FHIT: variants seen among roughly 807,000 people sequenced by gnomAD.
FHIT encodes the protein fragile histidine triad diadenosine triphosphatase.
Under a neutral mutation model 17.9 loss-of-function variants are expected in FHIT, and 19 were observed. The observed-to-expected ratio is 1.06, with a 90% CI of 0.74 to 1.56. The LOEUF (loss-of-function observed/expected upper bound fraction) is 1.56, where lower values mean the gene tolerates loss of function less well. Among genes scored for constraint, FHIT ranks in the 40% most tolerant of loss-of-function variants. The pLI, the probability that FHIT is intolerant of heterozygous loss-of-function variation, is 0.00. For missense variants in FHIT, 248 were observed against 189.2 expected (o/e 1.31, Z -1.82); for synonymous variants, 81 against 69.7 (o/e 1.16, Z -0.81).
intron 4 of FHIT, among the ~76,000 whole-genome samples, chr3:60,688,437 TG>T (rs377232495): frequency 1.3e-4 from 19 of 145,828 alleles, no homozygotes; most frequent in Non-Finnish European, 1.8e-4. Flanking sequence ...TTTTTTTTTT[TG>T]TTTTTTTTTT....
chr3:60,347,277 G>A (rs1467243966), intron 5 of FHIT, among the ~76,000 whole-genome samples: 1 of 151,864 alleles, frequency 6.6e-6, no homozygotes, highest in Admixed American at 6.6e-5. Context: ...ACAATATAAA[G>A]AATACAATGA....
intron 4 of FHIT, among the ~76,000 whole-genome samples, chr3:60,703,861 CT>C (rs1320021855): frequency 6.6e-6 from 1 of 152,084 alleles, no homozygotes; most frequent in African/African-American, 2.4e-5. Flanking sequence ...TAATTTTCCA[CT>C]TTCTTCTATG....
intron 4 of FHIT, among the ~76,000 whole-genome samples, chr3:60,764,899 T>C (rs1421129276): frequency 2.0e-5 from 3 of 152,110 alleles, no homozygotes; most frequent in African/African-American, 7.2e-5. Flanking sequence ...ACATATTGCA[T>C]TGTCTATTTA....
intron 2 of FHIT, among the ~76,000 whole-genome samples, chr3:61,183,287 G>C (rs1006486670): frequency 7.3e-6 from 1 of 137,178 alleles, no homozygotes; most frequent in Non-Finnish European, 1.5e-5. Flanking sequence ...TAGAAAAAGC[G>C]AGTAAGTGAC....
chr3:61,182,537 T>A (rs377494251), intron 2 of FHIT, among the ~76,000 whole-genome samples: 2 of 152,220 alleles, frequency 1.3e-5, no homozygotes, highest in South Asian at 2.1e-4. Context: ...AGATTTCATG[T>A]GACTAACCAA....
chr3:60,501,789 G>A (rs1452531851), intron 5 of FHIT, among the ~76,000 whole-genome samples: 1 of 152,214 alleles, frequency 6.6e-6, no homozygotes, highest in Non-Finnish European at 1.5e-5. Context: ...TATTGGAAAT[G>A]TAACGAAGTG....
chr3:60,085,795 T>C (rs1005600500), intron 5 of FHIT, among the ~76,000 whole-genome samples: 3 of 152,204 alleles, frequency 2.0e-5, no homozygotes, highest in Admixed American at 6.5e-5. Flanking sequence ...CTCATTTGTA[T>C]ACAGGCAATT....
intron 5 of FHIT, among the ~76,000 whole-genome samples, chr3:60,157,635 T>C (rs903517663): frequency 6.6e-6 from 1 of 152,178 alleles, no homozygotes; most frequent in African/African-American, 2.4e-5. Flanking sequence ...GCCTGGAGAA[T>C]GATACCTAAA....
At chr3:60,959,316 C>T (rs541830553) in intron 3 of FHIT, among the ~76,000 whole-genome samples, 23 of 152,242 alleles carry the variant, frequency 1.5e-4, no homozygotes, top group African/African-American at 5.5e-4. Context: ...GAACTTCTGC[C>T]CTTGATGTCC....
At chr3:60,494,323 A>G (rs2034199995) in intron 5 of FHIT, among the ~76,000 whole-genome samples, 1 of 152,140 alleles carries the variant, frequency 6.6e-6, no homozygotes, top group Non-Finnish European at 1.5e-5. Flanking sequence ...TTTAGTGTAT[A>G]GTTTTAATTT....
chr3:60,386,437 C>A (rs1373064905), intron 5 of FHIT, among the ~76,000 whole-genome samples: 1 of 152,204 alleles, frequency 6.6e-6, no homozygotes, highest in Non-Finnish European at 1.5e-5. Context: ...CTCACAATAT[C>A]TATAAAAACA....
At chr3:60,789,067 AT>A (rs1450361422) in intron 4 of FHIT, among the ~76,000 whole-genome samples, 10 of 151,430 alleles carry the variant, frequency 6.6e-5, no homozygotes, top group African/African-American at 7.3e-5. Context: ...TTGAAAAAAA[AT>A]ATATACATAT....
chr3:60,035,934 G>C (rs958840527), intron 5 of FHIT, among the ~76,000 whole-genome samples: 1 of 152,166 alleles, frequency 6.6e-6, no homozygotes, highest in Non-Finnish European at 1.5e-5. Flanking sequence ...CTTCTTGCCT[G>C]CTATTTGTCC....
chr3:60,129,294 G>A (rs143940013), intron 5 of FHIT, among the ~76,000 whole-genome samples: 3 of 151,852 alleles, frequency 2.0e-5, no homozygotes, highest in Non-Finnish European at 2.9e-5. Context: ...CTCATGATCC[G>A]ACCTCTCAAA....
chr3:60,585,211 G>A (rs1400790475), intron 4 of FHIT, among the ~76,000 whole-genome samples: 2 of 151,910 alleles, frequency 1.3e-5, no homozygotes, highest in African/African-American at 4.8e-5. Flanking sequence ...AACTAATTCT[G>A]AAAATTTCTA....
intron 8 of FHIT, among the ~76,000 whole-genome samples, chr3:59,839,133 A>G (rs1421665632): frequency 2.0e-5 from 3 of 152,080 alleles, no homozygotes; most frequent in Non-Finnish European, 2.9e-5. Flanking sequence ...CCTGGCCAAC[A>G]TGGTGAAACC....
At chr3:59,898,246 A>G (rs1176373263) in intron 8 of FHIT, among the ~76,000 whole-genome samples, 1 of 152,198 alleles carries the variant, frequency 6.6e-6, no homozygotes, top group Non-Finnish European at 1.5e-5. Flanking sequence ...AGACATAAAC[A>G]AATTTTGTGT....
intron 3 of FHIT, among the ~76,000 whole-genome samples, chr3:60,982,660 ATT>A (rs1710545847): frequency 1.3e-5 from 2 of 152,172 alleles, no homozygotes; most frequent in African/African-American, 4.8e-5. Flanking sequence ...TCACTCTGTT[ATT>A]CTCTGTTGCA....
chr3:59,787,526 A>ACT (rs1553676487), intron 8 of FHIT, among the ~76,000 whole-genome samples: 6,390 of 135,174 alleles, frequency 0.047, 235 homozygotes, highest in Non-Finnish European at 0.068. Context: ...ACACACACAC[A>ACT]CACGTCAAAG....
Sources: gnomAD v4.1 joint callset for allele counts (sites outside exome capture counted in the v4.1 genomes callset) on GRCh38, gnomAD v4.1.1 for gene constraint, MANE v1.5 for transcripts, NCBI Gene and HGNC (gene_info 2026-07-23, HGNC 2026-07-21) for gene names.